The following FRAS1 variants were observed in gnomAD, a reference collection of about 807,000 sequenced individuals.
FRAS1 encodes the protein extracellular matrix organizing protein FRAS1.
A neutral mutation model predicts 435.2 loss-of-function variants in FRAS1; 290 were observed. That is an observed-to-expected ratio of 0.67 (90% CI 0.61 to 0.73). FRAS1 has a LOEUF of 0.73. Among genes scored for constraint, FRAS1 ranks in the 30% least tolerant of loss-of-function variants. FRAS1 has a pLI of 0.00. For synonymous variants in FRAS1, 1,800 were observed against 1,851.0 expected, an observed-to-expected ratio of 0.97 and a Z score of 0.71; for missense variants, 4,860 against 5,001.5, an observed-to-expected ratio of 0.97 and a Z score of 0.85.
chr4:78,077,250 T>TAAAAAA (rs1560509525), intron 2 of FRAS1, among the ~76,000 whole-genome samples: 1 of 151,766 alleles, frequency 6.6e-6, no homozygotes, highest in Non-Finnish European at 1.5e-5. Context: ...TGTGCCTATC[T>TAAAAAA]TCTCAGCTAC....
At chr4:78,122,950 T>C (rs138142214) in intron 2 of FRAS1, among the ~76,000 whole-genome samples, 1,523 of 152,288 alleles carry the variant, frequency 0.01, 24 homozygotes, top group African/African-American at 0.034. Context: ...GATGGTAGTT[T>C]CTTTTGCTGC....
chr4:78,087,468 A>G (rs1741246489), intron 2 of FRAS1, among the ~76,000 whole-genome samples: 1 of 152,200 alleles, frequency 6.6e-6, no homozygotes, highest in Non-Finnish European at 1.5e-5. Flanking sequence ...TCAATTAGGA[A>G]AAGAGGAAGT....
chr4:78,078,055 C>A (rs1424397461), intron 2 of FRAS1, among the ~76,000 whole-genome samples: 2 of 152,086 alleles, frequency 1.3e-5, no homozygotes, highest in African/African-American at 4.8e-5. Context: ...AAAATGGGCA[C>A]TGCAATATGC....
chr4:78,381,395 T>C (rs4975163), intron 27 of FRAS1, among the ~76,000 whole-genome samples: 95,796 of 151,550 alleles, frequency 0.63, 30,381 homozygotes, highest in African/African-American at 0.66. Flanking sequence ...CCTCTGCCTC[T>C]TGGGTTGCCT....
chr4:78,308,146 A>C lies in FRAS1; in HGVS notation c.1615A>C (p.Arg539=). ...LACRDPLHVL[R]DGGCESSCGK... ...CTGCAGAGATCCCCTCCACGTGCTG[A>C]GAGATGGCGGCTGTGAGAGCAGCTG... The change falls in exon 15 of 74, where the codon AGA becomes CGA. Residue 539 remains arginine, a synonymous_variant. Transcript: ENST00000512123. 1 of 1,613,912 alleles carries C rather than the reference A, an allele frequency of 6.2e-7. No individual in the cohort carries two copies. Among genetic ancestry groups the C allele is most frequent in the Non-Finnish European group, 8.5e-7 (1 of 1,179,866 alleles).
chr4:78,186,569 AC>A lies in FRAS1; in HGVS notation c.109-50940del, dbSNP rs554812532. Among the ~76,000 whole-genome samples, 498 of 152,260 alleles carry A rather than the reference AC, an allele frequency of 3.3e-3. 2 individuals carry two copies. The highest frequency in any genetic ancestry group is 0.014 in the Middle Eastern group (4 of 294). On this transcript the variant is annotated intron_variant, in intron 2 of 73. Coordinates refer to ENST00000512123, the MANE Select transcript of FRAS1 (RefSeq NM_025074.7). ...ATAGATATAGTTTTAAGACAAACTT[AC>A]TGGTTTTTTTCATGTAAAGCTTGTC...
chr4:78,231,949 G>A (rs1724534593), intron 2 of FRAS1, among the ~76,000 whole-genome samples: 2 of 151,970 alleles, frequency 1.3e-5, no homozygotes, highest in African/African-American at 4.8e-5. Context: ...CTATTTTCTA[G>A]TGAAAAGCTA....
intron 71 of FRAS1, among the ~76,000 whole-genome samples, chr4:78,536,591 G>A (rs1721889917): frequency 1.3e-5 from 2 of 152,032 alleles, no homozygotes; most frequent in South Asian, 4.2e-4. Flanking sequence ...TACATGAGAG[G>A]ACTTGGTACA....
At chr4:78,091,078 C>G (rs1741491013) in intron 2 of FRAS1, among the ~76,000 whole-genome samples, 1 of 152,040 alleles carries the variant, frequency 6.6e-6, no homozygotes, top group South Asian at 2.1e-4. Flanking sequence ...GTCTGGGGTT[C>G]AAATTTGCAT....
chr4:78,312,879 G>GAGAGAGAGAAAGAAAGAA (rs143465313), intron 15 of FRAS1, among the ~76,000 whole-genome samples: 1 of 129,166 alleles, frequency 7.7e-6, no homozygotes, highest in Admixed American at 8.3e-5. Flanking sequence ...GAGAGAGAGA[G>GAGAGAGAGAAAGAAAGAA]AGAAAGAAAG....
intron 66 of FRAS1, among the ~76,000 whole-genome samples, chr4:78,518,333 A>C (rs1281287894): frequency 6.6e-6 from 1 of 151,002 alleles, no homozygotes; most frequent in Non-Finnish European, 1.5e-5. Context: ...CTGTATTTTC[A>C]AACAAAAGAA....
chr4:78,089,082 T>C (rs1021248200), intron 2 of FRAS1, among the ~76,000 whole-genome samples: 18 of 152,098 alleles, frequency 1.2e-4, no homozygotes, highest in Admixed American at 2.6e-4. Flanking sequence ...ATATACACCA[T>C]GGAATACTAT....
intron 7 of FRAS1, 53 bp from the exon 8 acceptor site, chr4:78,266,781 T>C (rs577521267): frequency 4.4e-6 from 6 of 1,353,328 alleles, no homozygotes; most frequent in Non-Finnish European, 6.2e-6. Context: ...GTGCTTCTAT[T>C]TGATGTATGG....
chr4:78,229,443 T>A (rs1724421587), intron 2 of FRAS1, among the ~76,000 whole-genome samples: 1 of 151,914 alleles, frequency 6.6e-6, no homozygotes, highest in East Asian at 1.9e-4. Context: ...TCTGAGGAAG[T>A]GATATTTCAG....
chr4:78,522,833 A>G (rs772842978), intron 69 of FRAS1, 25 bp downstream of exon 69: 5 of 1,571,846 alleles, frequency 3.2e-6, no homozygotes, highest in East Asian at 2.3e-5. Flanking sequence ...GGAGGCCTCC[A>G]TGGGTAGAGC....
chr4:78,455,699 C>T (rs992617845), intron 47 of FRAS1, among the ~76,000 whole-genome samples: 2 of 152,128 alleles, frequency 1.3e-5, no homozygotes, highest in South Asian at 2.1e-4. Context: ...TCTGCCTATG[C>T]GAACTGTGCA....
At chr4:78,510,069 C>G (rs772374764) in intron 63 of FRAS1, among the ~76,000 whole-genome samples, 2 of 152,174 alleles carry the variant, frequency 1.3e-5, no homozygotes, top group Non-Finnish European at 2.9e-5. Context: ...AAGAGCAATT[C>G]TTTTGCAACA....
chr4:78,384,714 C>A (rs1370924560), intron 28 of FRAS1, among the ~76,000 whole-genome samples: 1 of 149,562 alleles, frequency 6.7e-6, no homozygotes, highest in African/African-American at 2.5e-5. Flanking sequence ...GGCAACATGG[C>A]GAAACCCCGT....
chr4:78,362,395 A>G (rs1731104721), intron 20 of FRAS1, among the ~76,000 whole-genome samples: 1 of 152,200 alleles, frequency 6.6e-6, no homozygotes, highest in Non-Finnish European at 1.5e-5. Context: ...GCGGCACCTC[A>G]TTTACTCAGC....
Sources: gnomAD v4.1 joint callset for allele counts (sites outside exome capture counted in the v4.1 genomes callset) on GRCh38, gnomAD v4.1.1 for gene constraint, MANE v1.5 for transcripts, NCBI Gene and HGNC (gene_info 2026-07-23, HGNC 2026-07-21) for gene names.